Variants in LMAN1L observed in about 807,000 individuals in gnomAD.
The protein encoded by LMAN1L is protein ERGIC-53-like.
Under a neutral mutation model 58.3 loss-of-function variants are expected in LMAN1L, and 60 were observed. The ratio of observed to expected loss-of-function variants is 1.03; its 90% CI spans 0.84 to 1.27. The LOEUF is 1.27. Ranked by LOEUF, LMAN1L falls within the 50% of genes most tolerant of loss-of-function variation. The pLI is 0.00. For missense variants in LMAN1L, 629 were observed against 674.0 expected, an observed-to-expected ratio of 0.93 and a Z score of 0.74; for synonymous variants, 280 against 271.6, an observed-to-expected ratio of 1.03 and a Z score of -0.31.
At position 74,821,193 on chromosome 15, in the gene LMAN1L, G is replaced by T. The variant is rs774696242; in HGVS notation, c.1026G>T (p.Gly342=). 5 of 1,550,254 alleles carry T rather than the reference G, an allele frequency of 3.2e-6. No individual in the cohort carries two copies. The East Asian group carries it at 1.2e-4, about 38-fold the overall frequency. ...QAERQWKKQL[G]PPGQARPDGG... ...AGAGACAATGGAAGAAGCAGCTGGG[G>T]CCCCCAGGCCAAGCCAGGCCTGACG... Residue 342 remains glycine (G), a synonymous_variant, in exon 9 of 14, where the codon GGG becomes GGT. Coordinates refer to ENST00000309664, the MANE Select transcript of LMAN1L (RefSeq NM_021819.3).
At chr15:74,819,506 C>A (rs553725324) in intron 6 of LMAN1L, 19 of 543,488 alleles carry the variant, frequency 3.5e-5, no homozygotes, top group Non-Finnish European at 5.4e-5. Flanking sequence ...CTGTGAGTTG[C>A]GGGACAAGTG....
At chr15:74,817,354 C>G (rs377067301) in intron 4 of LMAN1L, among the ~76,000 whole-genome samples, 15 of 152,202 alleles carry the variant, frequency 9.9e-5, no homozygotes, top group African/African-American at 2.9e-4. Context: ...GATGGGAACA[C>G]TGGGGTTTGG....
intron 7 of LMAN1L, 171 bp from the exon 8 acceptor site, chr15:74,820,464 G>A: frequency 1.2e-6 from 1 of 840,742 alleles, no homozygotes; most frequent in Non-Finnish European, 1.9e-6. Context: ...GCCACAGCAG[G>A]GAGGGAAGAT....
intron 13 of LMAN1L, 23 bp downstream of exon 13, chr15:74,824,501 T>C (rs1416053663): frequency 6.2e-7 from 1 of 1,613,760 alleles, no homozygotes; most frequent in East Asian, 2.2e-5. Context: ...GTGAGCAGGA[T>C]TTCCCACAGC....
At chr15:74,823,718 A>T in intron 12 of LMAN1L, 36 bp downstream of exon 12, 1 of 1,602,738 alleles carries the variant, frequency 6.2e-7, no homozygotes, top group Non-Finnish European at 8.5e-7. Flanking sequence ...GGGGTCCCCA[A>T]CCTTGACGTC....
rs2063891765 is a variant in LMAN1L, at chr15:74,816,548, TCCTG to T, written c.438+21_438+24del. ...GAGGATACTCAGGTGCGTAGTGGTC[TCCTG>T]CCTGCCAGCCCGCCTGCCCGCTCAC... On this transcript the variant is annotated intron_variant, in intron 3 of 13. Transcript: ENST00000309664. 1.3e-6 allele frequency: 2 copies of T among 1,574,924 alleles called. No homozygotes were observed. Among genetic ancestry groups the T allele is most frequent in the Non-Finnish European group, 8.6e-7 (1 of 1,158,262 alleles).
rs920657756 is a variant in LMAN1L at position 74,820,174 on chromosome 15, A to G, written c.774+75A>G. 4.6e-6 allele frequency: 6 copies of G among 1,307,330 alleles called. No homozygotes were observed. In the African/African-American group the frequency reaches 5.8e-5, roughly 13 times the overall value. 81.0% of individuals were successfully genotyped at this position (1,307,330 alleles called of 1,614,324 possible). Reference sequence around the variant, plus strand: ...CTCACCCATGTCATGGTGCCCTCAGACCTGCCATTCCAGCCCTTACCTCCA... The same window carrying G: ...CTCACCCATGTCATGGTGCCCTCAGGCCTGCCATTCCAGCCCTTACCTCCA... On this transcript the variant is annotated intron_variant, in intron 7 of 13. Transcript: ENST00000309664.
At chr15:74,821,634 G>C (rs1190486777) in intron 9 of LMAN1L, among the ~76,000 whole-genome samples, 195 bp from the exon 10 acceptor site, 1 of 152,208 alleles carries the variant, frequency 6.6e-6, no homozygotes. Context: ...GCCCAGCCTG[G>C]GGGCCTGAGA....
Position 74,821,099 on chromosome 15 carries a change from A to G in LMAN1L, c.932A>G (p.Glu311Gly), listed in dbSNP as rs1216473152. The change falls in exon 9 of 14, where the codon GAG (glutamate) becomes GGG (glycine). Residue 311 changes from glutamate (E) to glycine (G), a missense_variant. Glu to Gly is a moderately conservative substitution (Grantham distance 98). Coordinates refer to ENST00000309664, the MANE Select transcript of LMAN1L (RefSeq NM_021819.3). The part of the protein sequence containing the change: ...GEGERLFDLE[E>G]TLGRHRRILQ... ...GGGGAAAGGCTCTTTGACCTGGAGG[A>G]GACGCTGGGCAGACACCGCCGGATC... The G allele has an allele frequency of 2.5e-6, 4 of 1,575,052 alleles. No homozygotes were observed. The Admixed American group carries it at 5.5e-5, about 22-fold the overall frequency.
rs768059780 is a variant in LMAN1L, at chr15:74,823,642, A to G, written c.1283A>G (p.His428Arg). ...GAGCATCATTTCTTAGAGCTGGACC[A>G]CATCCTGGGCCTCCTGCAGGAGGAG... ...GIEHHFLELD[H>R]ILGLLQEELR... The change falls in exon 12 of 14, where the codon CAC becomes CGC. Residue 428 changes from histidine to arginine, a missense_variant. By Grantham distance (29) the His-to-Arg change is conservative (BLOSUM62 0). Coordinates refer to ENST00000309664, the MANE Select transcript of LMAN1L (RefSeq NM_021819.3). 6 of 1,613,784 alleles carry G rather than the reference A, an allele frequency of 3.7e-6. No homozygotes were observed. The East Asian group carries it at 1.1e-4, about 30-fold the overall frequency.
At position 74,822,741 on chromosome 15, in the gene LMAN1L, C is replaced by A. The variant is rs375856077; in HGVS notation, c.1199+32C>A. ...GACTGGGTGGGGACCCCTCCACCAC[C>A]TTGTTTCTCCGCCTTAAGTTCCTCC... On this transcript the variant is annotated intron_variant, in intron 11 of 13. Transcript: ENST00000309664. 607 of 1,516,514 alleles carry A rather than the reference C, an allele frequency of 4.0e-4. 1 individual carries two copies. Among genetic ancestry groups the A allele is most frequent in the Non-Finnish European group, 5.0e-4 (549 of 1,091,324 alleles). The allele number at this position is 1,516,514 out of a possible 1,614,324, so 93.9% of individuals were successfully genotyped here.
At chr15:74,825,091 G>GCAC (rs2063935168) in intron 13 of LMAN1L, 1 of 172,124 alleles carries the variant, frequency 5.8e-6, no homozygotes, top group African/African-American at 2.4e-5. Context: ...AGAGATGTGG[G>GCAC]GTGTGCTAAA....
chr15:74,825,306 C>A (rs966081662), intron 13 of LMAN1L, 170 bp from the exon 14 acceptor site: 3 of 672,510 alleles, frequency 4.5e-6, no homozygotes, highest in Non-Finnish European at 7.7e-6. Flanking sequence ...CTTACATGCC[C>A]AGGGGGAAAG....
intron 8 of LMAN1L, 115 bp from the exon 9 acceptor site, chr15:74,820,960 G>A (rs1338063400): frequency 7.3e-7 from 1 of 1,365,178 alleles, no homozygotes; most frequent in Non-Finnish European, 9.9e-7. Context: ...GAGGGTCTTG[G>A]AGGCAGCAGC....
Position 74,820,757 on chromosome 15 carries a change from T to C in LMAN1L, c.897T>C (p.Ala299=), listed in dbSNP as rs1469879684. Residue 299 remains alanine, a synonymous_variant, in exon 8 of 14, where the codon GCT becomes GCC. Transcript: ENST00000309664. ...TAACTCCAAAATCAGACTCTGAAGC[T>C]CAAGGAGAAGGTAGGGACCGAGAGA... ...EDVTPKSDSE[A]QGEGERLFDL... 1.2e-6 allele frequency: 2 copies of C among 1,612,522 alleles called. No individual in the cohort carries two copies. Among genetic ancestry groups the C allele is most frequent in the African/African-American group, 2.7e-5 (2 of 74,848 alleles).
intron 13 of LMAN1L, chr15:74,824,692 C>A: frequency 1.9e-6 from 1 of 537,468 alleles, no homozygotes; most frequent in South Asian, 2.7e-5. Flanking sequence ...CCTGCTCTCA[C>A]GGAGCTCACT....
At chr15:74,819,817 C>T in intron 6 of LMAN1L, 3 of 602,530 alleles carry the variant, frequency 5.0e-6, no homozygotes, top group Non-Finnish European at 9.0e-6. Flanking sequence ...TCCAGTTCTG[C>T]CACAGGGGCC....
At chr15:74,820,346 G>C in intron 7 of LMAN1L, 2 of 614,878 alleles carry the variant, frequency 3.3e-6, no homozygotes, top group Non-Finnish European at 5.7e-6. Flanking sequence ...AAGGTGCAGG[G>C]GGCTGTGGGA....
rs2063938444 is a variant in LMAN1L, at chr15:74,825,595, T to G, written c.1571T>G (p.Met524Arg). Residue 524 changes from methionine (M) to arginine (R), a missense_variant, in exon 14 of 14, where the codon ATG becomes AGG. Physicochemically the swap from Met to Arg is moderately conservative, Grantham distance 91. Around this residue, in one of 3 missense-constraint regions of LMAN1L, gnomAD observed 53 missense variants for 59.7 expected, o/e 0.89. Transcript: ENST00000309664. Reference protein sequence around the residue: ...ILRRQPLPASMPA With the variant: ...ILRRQPLPASRPA ...AGGAGGCAGCCTCTCCCTGCCAGCA[T>G]GCCTGCCTGACCCACCTCAGAGCCT... The G allele has an allele frequency of 2.5e-6, 4 of 1,611,350 alleles. No individual in the cohort carries two copies. Among genetic ancestry groups the G allele is most frequent in the Non-Finnish European group, 3.4e-6 (4 of 1,178,500 alleles).
Sources: gnomAD v4.1 joint callset for allele counts (sites outside exome capture counted in the v4.1 genomes callset) on GRCh38, gnomAD v4.1.1 for gene constraint, gnomAD v4.1.1 regional missense constraint, MANE v1.5 for transcripts, NCBI Gene and HGNC (gene_info 2026-07-23, HGNC 2026-07-21) for gene names.